Variants in GDPD5 observed in about 807,000 individuals in gnomAD.
GDPD5 encodes glycerophosphodiester phosphodiesterase 2.
A neutral mutation model predicts 75.1 loss-of-function variants in GDPD5; 48 were observed. The ratio of observed to expected loss-of-function variants is 0.64; its 90% CI spans 0.51 to 0.81. GDPD5 has a LOEUF of 0.81. GDPD5 is among the 40% of genes least tolerant of loss of function. The pLI is 0.00. For synonymous variants in GDPD5, 336 were observed against 339.0 expected, an observed-to-expected ratio of 0.99 and a Z score of 0.10; for missense variants, 706 against 822.6, an observed-to-expected ratio of 0.86 and a Z score of 1.73.
At chr11:75,509,891 G>A (rs1950479613) in intron 1 of GDPD5, among the ~76,000 whole-genome samples, 1 of 152,198 alleles carries the variant, frequency 6.6e-6, no homozygotes, top group African/African-American at 2.4e-5. Context: ...TGTTGGCCAG[G>A]CTGGTCTCGA....
At chr11:75,467,386 A>G (rs556712693) in intron 3 of GDPD5, among the ~76,000 whole-genome samples, 3 of 152,230 alleles carry the variant, frequency 2.0e-5, no homozygotes, top group East Asian at 1.9e-4. Context: ...AGCTGTCTCT[A>G]TGTCTCCTGG....
intron 9 of GDPD5, among the ~76,000 whole-genome samples, chr11:75,448,252 C>T (rs1468908144): frequency 6.6e-6 from 1 of 152,196 alleles, no homozygotes; most frequent in African/African-American, 2.4e-5. Context: ...AGAGATGGCC[C>T]TGCCCAAGGT....
At chr11:75,489,147 T>C (rs965106923) in intron 2 of GDPD5, among the ~76,000 whole-genome samples, 1 of 151,044 alleles carries the variant, frequency 6.6e-6, no homozygotes, top group Non-Finnish European at 1.5e-5. Context: ...TGAATAATAA[T>C]TAGCCTCTTC....
rs1327044293 is a variant in GDPD5 at position 75,441,953 on chromosome 11, C to G, written c.1168-150G>C. ...GTCATTAGCAGGGCAGGACTCAGTC[C>G]CAGCCAAGGCTGCAAAGTGCACTGG... On this transcript the variant is annotated intron_variant, in intron 12 of 16. Coordinates refer to ENST00000336898, the MANE Select transcript of GDPD5 (RefSeq NM_030792.8). 3.7e-6 allele frequency: 3 copies of G among 811,862 alleles called. No individual in the cohort carries two copies. The African/African-American group carries it at 5.2e-5, about 14-fold the overall frequency. The allele number at this position is 811,862 out of a possible 1,614,324, so 50.3% of individuals were successfully genotyped here.
intron 3 of GDPD5, among the ~76,000 whole-genome samples, chr11:75,474,119 G>GC (rs1949731883): frequency 6.6e-6 from 1 of 152,214 alleles, no homozygotes; most frequent in Non-Finnish European, 1.5e-5. Context: ...TGCAGGCTGT[G>GC]CCCTCAGCCC....
chr11:75,449,203 C>T (rs1949065411), intron 8 of GDPD5, 81 bp from the exon 9 acceptor site: 1 of 1,485,550 alleles, frequency 6.7e-7, no homozygotes, highest in South Asian at 1.3e-5. Context: ...TACCCCCGAC[C>T]TGTCAGGATC....
intron 8 of GDPD5, 56 bp from the exon 9 acceptor site, chr11:75,449,178 A>T (rs1005948382): frequency 2.2e-5 from 34 of 1,526,286 alleles, no homozygotes; most frequent in Non-Finnish European, 2.9e-5. Context: ...GTTGGGGTGC[A>T]ATGCTGGACC....
chr11:75,500,229 C>G (rs886195178), intron 1 of GDPD5, among the ~76,000 whole-genome samples: 1 of 152,136 alleles, frequency 6.6e-6, no homozygotes, highest in South Asian at 2.1e-4. Context: ...CAGCAGTGAG[C>G]AGGCCTGGGG....
At chr11:75,436,883 G>A in intron 16 of GDPD5, 53 bp downstream of exon 16, 1 of 1,316,366 alleles carries the variant, frequency 7.6e-7, no homozygotes, top group Non-Finnish European at 1.1e-6. Context: ...GCATGTGGGG[G>A]TGCAGAAAGC....
intron 1 of GDPD5, among the ~76,000 whole-genome samples, chr11:75,510,486 G>GC (rs1950490991): frequency 6.6e-6 from 1 of 152,242 alleles, no homozygotes; most frequent in South Asian, 2.1e-4. Flanking sequence ...CTCAAAATCT[G>GC]CCCCAGAAAC....
At chr11:75,460,274 C>A (rs113648290) in intron 4 of GDPD5, among the ~76,000 whole-genome samples, 109 of 152,284 alleles carry the variant, frequency 7.2e-4, no homozygotes, top group African/African-American at 2.6e-3. Flanking sequence ...CATCCTCTTA[C>A]TGTATGAATT....
chr11:75,524,361 A>C (rs1941582370), intron 1 of GDPD5, among the ~76,000 whole-genome samples: 1 of 152,248 alleles, frequency 6.6e-6, no homozygotes, highest in Admixed American at 6.5e-5. Flanking sequence ...CCAGCCACCT[A>C]TCCAGAAGAT....
At chr11:75,462,550 A>G (rs529853836) in intron 4 of GDPD5, among the ~76,000 whole-genome samples, 264 of 151,650 alleles carry the variant, frequency 1.7e-3, no homozygotes, top group African/African-American at 6.2e-3. Context: ...TACAATCCTC[A>G]CCCATACCTC....
intron 2 of GDPD5, among the ~76,000 whole-genome samples, chr11:75,481,229 C>T (rs543301897): frequency 1.1e-4 from 17 of 152,272 alleles, no homozygotes; most frequent in Admixed American, 9.2e-4. Context: ...GGGGCTGCAC[C>T]GTAGGAGCAC....
intron 12 of GDPD5, 82 bp downstream of exon 12, chr11:75,442,281 T>C: frequency 9.5e-7 from 1 of 1,048,850 alleles, no homozygotes; most frequent in Non-Finnish European, 1.4e-6. Flanking sequence ...AAGTCCGGAG[T>C]GCAACAGGGA....
Position 75,512,281 on chromosome 11 carries a change from GAC to G in GDPD5, c.-145+12927_-145+12928del, listed in dbSNP as rs145862089. 7.2e-3 allele frequency among the ~76,000 whole-genome samples: 887 copies of G among 123,162 alleles called. 5 individuals are homozygous for G. Among genetic ancestry groups the G allele is most frequent in the African/African-American group, 0.01 (338 of 33,044 alleles). The allele number at this position is 123,162 out of a possible 152,430, so 80.8% of individuals were successfully genotyped here. The stretch of plus-strand genomic sequence containing the variant: ...CTGGTAGAAGCATGAAATTGGGAAG[GAC>G]ACACACACACACACACACACACACA... On this transcript the variant is annotated intron_variant, in intron 1 of 16. Transcript: ENST00000336898.
intron 2 of GDPD5, among the ~76,000 whole-genome samples, chr11:75,480,414 G>A (rs1422380353): frequency 6.6e-6 from 1 of 152,136 alleles, no homozygotes; most frequent in Non-Finnish European, 1.5e-5. Flanking sequence ...CTGGTGTGCA[G>A]TAGTGCAATC....
At position 75,444,478 on chromosome 11, in the gene GDPD5, C is replaced by CCA. The variant is rs1948935608; in HGVS notation, c.731_732insTG (p.Leu245GlyfsTer72). 11 of 1,613,606 alleles carry CCA rather than the reference C, an allele frequency of 6.8e-6. No individual in the cohort carries two copies. The highest frequency in any genetic ancestry group is 7.6e-6 in the Non-Finnish European group (9 of 1,179,772). On this transcript the variant is annotated frameshift_variant, in exon 10 of 17. Transcript: ENST00000336898. LOFTEE classifies it high-confidence loss of function. Reference sequence around the variant, plus strand: ...CGAGGGCCTTCCGGAAGGACATGAGCGTGTGCTCTGGAGCCAGCTGGGGAA... The same window carrying CCA: ...CGAGGGCCTTCCGGAAGGACATGAGCCAGTGTGCTCTGGAGCCAGCTGGGGAA...
At chr11:75,469,744 G>A (rs1235916580) in intron 3 of GDPD5, among the ~76,000 whole-genome samples, 1 of 152,248 alleles carries the variant, frequency 6.6e-6, no homozygotes, top group Non-Finnish European at 1.5e-5. Context: ...GGAAATGTGG[G>A]CAAGAGATTA....
Sources: gnomAD v4.1 joint callset for allele counts (sites outside exome capture counted in the v4.1 genomes callset) on GRCh38, gnomAD v4.1.1 for gene constraint, MANE v1.5 for transcripts, NCBI Gene and HGNC (gene_info 2026-07-23, HGNC 2026-07-21) for gene names.